ELOVL6: variants seen among roughly 807,000 people sequenced by gnomAD.
The protein encoded by ELOVL6 is very long chain fatty acid elongase 6.
A neutral mutation model predicts 31.7 loss-of-function variants in ELOVL6; 8 were observed. That is an observed-to-expected ratio of 0.25 (90% CI 0.15 to 0.45). ELOVL6 has a LOEUF of 0.45. ELOVL6 is among the 20% of genes least tolerant of loss of function. The pLI is 1.00. For synonymous variants in ELOVL6, 101 were observed against 117.7 expected (o/e 0.86, Z 0.92); for missense variants, 126 against 326.4 (o/e 0.39, Z 4.73).
chr4:110,193,812 G>GA (rs1759696781), intron 1 of ELOVL6, among the ~76,000 whole-genome samples: 1 of 152,252 alleles, frequency 6.6e-6, no homozygotes, highest in African/African-American at 2.4e-5. Flanking sequence ...AGAAAAGTCA[G>GA]AAAAATATAT....
At chr4:110,134,862 G>C (rs771750688) in intron 1 of ELOVL6, among the ~76,000 whole-genome samples, 1 of 152,080 alleles carries the variant, frequency 6.6e-6, no homozygotes, top group Non-Finnish European at 1.5e-5. Flanking sequence ...AGGAGGCTGG[G>C]GTGGGAAGAT....
intron 3 of ELOVL6, among the ~76,000 whole-genome samples, chr4:110,059,175 A>G (rs1382721272): frequency 1.3e-5 from 2 of 152,164 alleles, no homozygotes; most frequent in Non-Finnish European, 2.9e-5. Flanking sequence ...AGGGTCCCCA[A>G]ATGAAAAGCT....
intron 1 of ELOVL6, among the ~76,000 whole-genome samples, chr4:110,149,538 C>G (rs1453055694): frequency 6.6e-6 from 1 of 152,080 alleles, no homozygotes; most frequent in African/African-American, 2.4e-5. Context: ...CAGACAAATA[C>G]CACATGTTCT....
In ELOVL6 at chr4:110,188,996, G is replaced by C. The variant is rs556110261; in HGVS notation, c.89+9251C>G. On this transcript the variant is annotated intron_variant, in intron 1 of 3. Coordinates refer to ENST00000302274, the MANE Select transcript of ELOVL6 (RefSeq NM_024090.3). ...CTGAATGAAGAAAATCTACCCTGCT[G>C]TCTAGGTGTGGTGGTTTACACCTGT... is the stretch of plus-strand genomic sequence containing the variant. 4.6e-5 allele frequency among the ~76,000 whole-genome samples: 7 copies of C among 152,156 alleles called. No individual in the cohort carries two copies. The East Asian group carries it at 1.4e-3, about 29-fold the overall frequency.
At chr4:110,147,230 A>C (rs901022072) in intron 1 of ELOVL6, 8 of 184,234 alleles carry the variant, frequency 4.3e-5, no homozygotes, top group African/African-American at 1.9e-4. Context: ...AGAAACAAAA[A>C]CTTATGGCAC....
chr4:110,098,735 G>A (rs1303487720), intron 2 of ELOVL6, among the ~76,000 whole-genome samples: 2 of 151,986 alleles, frequency 1.3e-5, no homozygotes, highest in Non-Finnish European at 2.9e-5. Context: ...TTATTACTCA[G>A]CATTATGCTT....
intron 3 of ELOVL6, 71 bp downstream of exon 3, chr4:110,059,532 T>C (rs1373757869): frequency 3.4e-6 from 5 of 1,475,494 alleles, no homozygotes; most frequent in Non-Finnish European, 4.6e-6. Context: ...AAATGTTTCT[T>C]TGCTCACTAA....
chr4:110,149,401 C>T (rs764911068), intron 1 of ELOVL6, among the ~76,000 whole-genome samples: 1 of 151,894 alleles, frequency 6.6e-6, no homozygotes, highest in Non-Finnish European at 1.5e-5. Context: ...AGTGGAGGAC[C>T]GAATAAAGAA....
At chr4:110,112,806 A>C (rs1757072312) in intron 1 of ELOVL6, among the ~76,000 whole-genome samples, 1 of 152,180 alleles carries the variant, frequency 6.6e-6, no homozygotes, top group Admixed American at 6.5e-5. Flanking sequence ...CCTGGGAGGC[A>C]GAGGTTGCAG....
intron 1 of ELOVL6, among the ~76,000 whole-genome samples, chr4:110,157,323 A>G (rs1291691986): frequency 6.6e-6 from 1 of 152,236 alleles, no homozygotes; most frequent in Non-Finnish European, 1.5e-5. Flanking sequence ...AATGCCAAAT[A>G]ATAGTACACA....
intron 1 of ELOVL6, among the ~76,000 whole-genome samples, chr4:110,142,049 A>C (rs1757979238): frequency 6.8e-6 from 1 of 146,698 alleles, no homozygotes; most frequent in Non-Finnish European, 1.5e-5. Context: ...CATCCTTGAT[A>C]TCCCACCCCT....
At chr4:110,102,837 G>A (rs1030447061) in intron 2 of ELOVL6, among the ~76,000 whole-genome samples, 1 of 151,020 alleles carries the variant, frequency 6.6e-6, no homozygotes, top group African/African-American at 2.4e-5. Flanking sequence ...TAGGAATTAG[G>A]GCTCTGATAT....
At chr4:110,094,063 G>C (rs1439696776) in intron 2 of ELOVL6, among the ~76,000 whole-genome samples, 2 of 151,492 alleles carry the variant, frequency 1.3e-5, no homozygotes, top group East Asian at 3.9e-4. Context: ...CAGCCTGGCC[G>C]ACATGGCAAA....
chr4:110,167,665 G>C (rs542006264), intron 1 of ELOVL6, among the ~76,000 whole-genome samples: 1,416 of 138,422 alleles, frequency 0.01, 22 homozygotes, highest in African/African-American at 0.042. Context: ...ATGTATGTAT[G>C]TATGTATGTA....
rs1578466450 is a variant in ELOVL6 at position 110,084,169 on chromosome 4, A to ATATATGATATATATAACATAACT, written c.221+21327_221+21328insAGTTATGTTATATATATCATATA. ...ATGATATATATAACATATATGTGAT[A>ATATATGATATATATAACATAACT]TATATGATATATATAACATATAACT... On this transcript the variant is annotated intron_variant, in intron 2 of 3. Transcript: ENST00000302274. Among the ~76,000 whole-genome samples the ATATATGATATATATAACATAACT allele has an allele frequency of 7.7e-3, 331 of 43,076 alleles. 48 individuals are homozygous for ATATATGATATATATAACATAACT. Among genetic ancestry groups the ATATATGATATATATAACATAACT allele is most frequent in the African/African-American group, 0.045 (287 of 6,314 alleles). The allele number at this position is 43,076 out of a possible 152,430, so 28.3% of individuals were successfully genotyped here.
chr4:110,112,253 T>C (rs1177810338), intron 1 of ELOVL6, among the ~76,000 whole-genome samples: 1 of 152,210 alleles, frequency 6.6e-6, no homozygotes, highest in Admixed American at 6.5e-5. Flanking sequence ...GATCTCTCGA[T>C]CAATGCACTG....
At chr4:110,132,831 C>T (rs186824536) in intron 1 of ELOVL6, among the ~76,000 whole-genome samples, 7 of 150,942 alleles carry the variant, frequency 4.6e-5, no homozygotes, top group African/African-American at 1.7e-4. Flanking sequence ...TACAGCAAGA[C>T]TGTCTTTAAA....
At chr4:110,098,244 C>G (rs568794552) in intron 2 of ELOVL6, among the ~76,000 whole-genome samples, 2 of 151,964 alleles carry the variant, frequency 1.3e-5, no homozygotes, top group African/African-American at 2.4e-5. Flanking sequence ...AACTATAAAC[C>G]GATCATTATT....
rs1253173983 is a variant in ELOVL6, at chr4:110,127,391, A to T, written c.90-21763T>A. Among the ~76,000 whole-genome samples, 26 of 118,914 alleles carry T rather than the reference A, an allele frequency of 2.2e-4. 1 individual carries two copies. Among genetic ancestry groups the T allele is most frequent in the Admixed American group, 4.4e-4 (4 of 9,038 alleles). 78.0% of individuals were successfully genotyped at this position (118,914 alleles called of 152,430 possible). A position where few individuals can be genotyped will look rare whatever the true frequency, so the allele number is the denominator to read the frequency against. ...CATTGCATTCCAGCCTGGGTGACAG[A>T]GCGAGATTCCGTCTCAAAAAAAAAA... is the stretch of plus-strand genomic sequence containing the variant. On this transcript the variant is annotated intron_variant, in intron 1 of 3. Coordinates refer to ENST00000302274, the MANE Select transcript of ELOVL6 (RefSeq NM_024090.3).
Sources: gnomAD v4.1 joint callset for allele counts (sites outside exome capture counted in the v4.1 genomes callset) on GRCh38, gnomAD v4.1.1 for gene constraint, MANE v1.5 for transcripts, NCBI Gene and HGNC (gene_info 2026-07-23, HGNC 2026-07-21) for gene names.